Variants in HEATR1 observed in about 807,000 individuals in gnomAD.
HEATR1 encodes the protein HEAT repeat containing 1.
A neutral mutation model predicts 248.2 loss-of-function variants in HEATR1; 77 were observed. The ratio of observed to expected loss-of-function variants is 0.31; its 90% CI spans 0.26 to 0.37. HEATR1 has a LOEUF of 0.37. HEATR1 is among the 10% of genes least tolerant of loss of function. The pLI, the probability that HEATR1 is intolerant of heterozygous loss-of-function variation, is 1.00. For synonymous variants in HEATR1, 897 were observed against 923.1 expected (o/e 0.97, Z 0.51); for missense variants, 2,420 against 2,504.9 (o/e 0.97, Z 0.72).
intron 41 of HEATR1, 145 bp downstream of exon 41, chr1:236,555,151 A>G: frequency 1.3e-6 from 1 of 783,448 alleles, no homozygotes; most frequent in Non-Finnish European, 2.1e-6. Flanking sequence ...CTGTCTGACA[A>G]CAATGAAGTA....
At chr1:236,551,447 T>C (rs1042275) in intron 44 of HEATR1, 88,027 of 161,052 alleles carry the variant, frequency 0.55, 26,263 homozygotes, top group Non-Finnish European at 0.67. Flanking sequence ...CATGTCACAC[T>C]CACTAGCTTG....
At chr1:236,572,978 T>C (rs1412321325) in intron 24 of HEATR1, 150 bp from the exon 25 acceptor site, 1 of 707,440 alleles carries the variant, frequency 1.4e-6, no homozygotes, top group Non-Finnish European at 2.4e-6. Context: ...CATTGGATGC[T>C]ACTACCTTGT....
At chr1:236,596,704 T>C (rs1282774237) in intron 6 of HEATR1, 132 bp downstream of exon 6, 1 of 862,532 alleles carries the variant, frequency 1.2e-6, no homozygotes, top group Non-Finnish European at 1.7e-6. Context: ...ATTTTCAACC[T>C]AAAGGCTAAA....
rs1337699955 is a variant in HEATR1, at chr1:236,584,816, TA to T, written c.2241+208del. On this transcript the variant is annotated intron_variant, in intron 17 of 44. Coordinates refer to ENST00000366582, the MANE Select transcript of HEATR1 (RefSeq NM_018072.6). ...CATCAGATACAAAATATTGCAACCCTAAAATTTTATAATTCAACTAAACTTT... is the reference window on the plus strand; with the variant it reads ...CATCAGATACAAAATATTGCAACCCTAAATTTTATAATTCAACTAAACTTT... Among the ~76,000 whole-genome samples the T allele has an allele frequency of 2.6e-5, 4 of 152,142 alleles. No homozygotes were observed. The East Asian group carries it at 7.7e-4, about 29-fold the overall frequency.
In HEATR1 at chr1:236,555,324, G is replaced by A. The variant is rs965207346; in HGVS notation, c.5895C>T (p.Thr1965=). Residue 1965 remains threonine, a synonymous_variant, in exon 41 of 45, where the codon ACC becomes ACT. Transcript: ENST00000366582. ...TTTTGGAGATGTTCACCTGGTTCAA[G>A]GTGTCAGCAAAAGGCTTCACTAAGT... is the stretch of plus-strand genomic sequence containing the variant. The part of the protein sequence containing the change: ...AGHLVKPFAD[T]LNQVNISKTD... 2 of 1,614,192 alleles carry A rather than the reference G, an allele frequency of 1.2e-6. No homozygotes were observed. Among genetic ancestry groups the A allele is most frequent in the Non-Finnish European group, 1.7e-6 (2 of 1,180,038 alleles).
At chr1:236,595,042 G>C (rs1664135265) in intron 8 of HEATR1, among the ~76,000 whole-genome samples, 1 of 149,840 alleles carries the variant, frequency 6.7e-6, no homozygotes, top group Non-Finnish European at 1.5e-5. Flanking sequence ...AGAATTATAG[G>C]TTTGAGCCAC....
chr1:236,570,130 T>G (rs953346288), intron 28 of HEATR1, among the ~76,000 whole-genome samples: 18 of 151,704 alleles, frequency 1.2e-4, no homozygotes, highest in African/African-American at 3.9e-4. Context: ...CTACTAAAAA[T>G]ACAAAAAAAT....
intron 3 of HEATR1, among the ~76,000 whole-genome samples, chr1:236,600,633 C>G (rs780651654): frequency 2.6e-5 from 4 of 151,850 alleles, no homozygotes; most frequent in African/African-American, 9.7e-5. Context: ...CAAGTTCAAG[C>G]GATTCTCATG....
rs1274357085 is a variant in HEATR1 at position 236,597,988 on chromosome 1, G to A, written c.502-9C>T. ...AACGGCACTCCAGATTGCTGTTATT[G>A]ATGGAAAGAACAAACTACTAGCAAC... is the stretch of plus-strand genomic sequence containing the variant. On this transcript the variant is annotated splice_polypyrimidine_tract_variant and intron_variant, in intron 4 of 44. Coordinates refer to ENST00000366582, the MANE Select transcript of HEATR1 (RefSeq NM_018072.6). The A allele has an allele frequency of 3.8e-6, 6 of 1,584,026 alleles. No individual in the cohort carries two copies.
chr1:236,601,955 C>T (rs1246112722), intron 3 of HEATR1, among the ~76,000 whole-genome samples: 2 of 136,364 alleles, frequency 1.5e-5, no homozygotes, highest in Non-Finnish European at 3.2e-5. Flanking sequence ...CGTGATGAAA[C>T]CCCATCTTTA....
rs1201384553 is a variant in HEATR1 at position 236,595,870 on chromosome 1, G to C, written c.919C>G (p.Leu307Val). 1 of 1,613,982 alleles carries C rather than the reference G, an allele frequency of 6.2e-7. No homozygotes were observed. Among genetic ancestry groups the C allele is most frequent in the Admixed American group, 1.7e-5 (1 of 60,020 alleles). The change falls in exon 7 of 45, where the codon CTC becomes GTC. Residue 307 changes from leucine (L) to valine (V), a missense_variant. By Grantham distance (32) the Leu-to-Val change is conservative. Coordinates refer to ENST00000366582, the MANE Select transcript of HEATR1 (RefSeq NM_018072.6). The part of the protein sequence containing the change: ...IKDGLSCLIV[L>V]LQRQKPESLG... ...CTCTCTGGCTTCTGTCTCTGCAGGAGCACTATCAAGCAACTTAACCCATCC... is the reference window on the plus strand; with the variant it reads ...CTCTCTGGCTTCTGTCTCTGCAGGACCACTATCAAGCAACTTAACCCATCC...
At chr1:236,558,744 G>A (rs1412604621) in intron 35 of HEATR1, among the ~76,000 whole-genome samples, 3 of 152,210 alleles carry the variant, frequency 2.0e-5, no homozygotes, top group Non-Finnish European at 4.4e-5. Flanking sequence ...ACTATGCTAA[G>A]GCTAAGGCCA....
At chr1:236,594,231 G>T in intron 8 of HEATR1, 117 bp from the exon 9 acceptor site, 4 of 594,218 alleles carry the variant, frequency 6.7e-6, no homozygotes, top group South Asian at 4.9e-5. Flanking sequence ...CTGATATCCA[G>T]CTTTTTATCT....
chr1:236,589,534 T>C (rs933240057), intron 12 of HEATR1, among the ~76,000 whole-genome samples: 1 of 151,984 alleles, frequency 6.6e-6, no homozygotes, highest in African/African-American at 2.4e-5. Context: ...TACTAAAAAC[T>C]CTATAAAACC....
At chr1:236,602,651 G>A (rs958143435) in intron 3 of HEATR1, among the ~76,000 whole-genome samples, 2 of 152,174 alleles carry the variant, frequency 1.3e-5, no homozygotes, top group Non-Finnish European at 2.9e-5. Context: ...TAGGCTGGGC[G>A]AGGTGGCTCA....
At chr1:236,576,429 G>A in intron 21 of HEATR1, 52 bp from the exon 22 acceptor site, 1 of 1,283,210 alleles carries the variant, frequency 7.8e-7, no homozygotes, top group Non-Finnish European at 1.1e-6. Context: ...AACTACAAAG[G>A]CTAAATATAT....
Position 236,576,822 on chromosome 1 carries a change from A to G in HEATR1, c.2883T>C (p.Ser961=). Residue 961 remains serine (S), a synonymous_variant, in exon 21 of 45, where the codon TCT becomes TCC. Coordinates refer to ENST00000366582, the MANE Select transcript of HEATR1 (RefSeq NM_018072.6). ...PFYLIIDHLI[S]KAEEITSDAA... ...CATCTGAAGTGATCTCCTCTGCTTT[A>G]GAAATCAAATGATCTATTATCAGAT... 6.2e-7 allele frequency: 1 copy of G among 1,614,068 alleles called. No individual in the cohort carries two copies. The highest frequency in any genetic ancestry group is 8.5e-7 in the Non-Finnish European group (1 of 1,179,976).
chr1:236,556,244 C>T lies in HEATR1; in HGVS notation c.5370G>A (p.Glu1790=). ...CAGAACCCATTTCACTAGTGATTTT[C>T]TCCAGATGAATCACCTACAGGAATA... ...EGILSQVIHL[E]KITSEMGSAS... Residue 1790 remains glutamate, a synonymous_variant, in exon 38 of 45, where the codon GAG becomes GAA. Transcript: ENST00000366582. The T allele has an allele frequency of 6.2e-7, 1 of 1,614,130 alleles. No individual in the cohort carries two copies. The highest frequency in any genetic ancestry group is 8.5e-7 in the Non-Finnish European group (1 of 1,180,014).
intron 26 of HEATR1, 110 bp from the exon 27 acceptor site, chr1:236,571,796 G>A (rs1663434805): frequency 1.4e-6 from 1 of 722,418 alleles, no homozygotes; most frequent in African/African-American, 1.8e-5. Flanking sequence ...CATTCAATAA[G>A]GAATAACTAA....
Sources: allele counts gnomAD v4.1 joint callset (sites outside exome capture counted in the v4.1 genomes callset), GRCh38; gene constraint gnomAD v4.1.1; transcripts MANE v1.5; gene names NCBI Gene and HGNC (gene_info 2026-07-23, HGNC 2026-07-21).